Variants in FAF1 observed in about 807,000 individuals in gnomAD.
FAF1 encodes the protein Fas associated factor 1.
FAF1 carries 25 observed loss-of-function variants against 92.5 expected under a neutral mutation model. The ratio of observed to expected loss-of-function variants is 0.27; its 90% CI spans 0.20 to 0.38. The LOEUF is 0.38. Ranked by LOEUF, FAF1 falls within the 10% of genes least tolerant of loss-of-function variation. FAF1 has a pLI of 1.00. For synonymous variants in FAF1, 234 were observed against 273.2 expected, an observed-to-expected ratio of 0.86 and a Z score of 1.42; for missense variants, 636 against 793.3, an observed-to-expected ratio of 0.80 and a Z score of 2.38.
intron 1 of FAF1, among the ~76,000 whole-genome samples, chr1:50,919,489 ATTT>A (rs753127066): frequency 1.4e-5 from 2 of 143,664 alleles, no homozygotes; most frequent in African/African-American, 2.5e-5. Context: ...AAATAGAAGA[ATTT>A]TTTTTTTTTT....
At chr1:50,647,759 C>T (rs1304982638) in intron 8 of FAF1, among the ~76,000 whole-genome samples, 2 of 152,010 alleles carry the variant, frequency 1.3e-5, no homozygotes, top group Admixed American at 6.5e-5. Context: ...TCGACAGTTA[C>T]GGAGACTGAG....
chr1:50,751,514 T>C (rs889999124), intron 4 of FAF1, among the ~76,000 whole-genome samples: 2 of 152,056 alleles, frequency 1.3e-5, no homozygotes, highest in African/African-American at 4.8e-5. Context: ...TGACAAATTT[T>C]TGTATTTTTA....
intron 4 of FAF1, among the ~76,000 whole-genome samples, chr1:50,765,984 C>T (rs897653604): frequency 6.6e-6 from 1 of 151,888 alleles, no homozygotes; most frequent in Admixed American, 6.6e-5. Flanking sequence ...CCCAGCTAGT[C>T]GGGAGGCTGA....
intron 2 of FAF1, among the ~76,000 whole-genome samples, chr1:50,846,189 T>C (rs1644297221): frequency 6.6e-6 from 1 of 152,020 alleles, no homozygotes; most frequent in African/African-American, 2.4e-5. Flanking sequence ...CTATTTGCCT[T>C]TGTCTATACT....
At chr1:50,843,739 TTG>T (rs921691220) in intron 2 of FAF1, among the ~76,000 whole-genome samples, 3 of 151,346 alleles carry the variant, frequency 2.0e-5, no homozygotes, top group Non-Finnish European at 1.5e-5. Flanking sequence ...TGATATTCCA[TTG>T]TGTGTGTGTG....
chr1:50,759,740 A>C (rs1346264878), intron 4 of FAF1, among the ~76,000 whole-genome samples: 7 of 152,196 alleles, frequency 4.6e-5, no homozygotes, highest in Non-Finnish European at 8.8e-5. Context: ...GACTTCCACA[A>C]TGGTTGAACT....
In FAF1 at chr1:50,596,181, G is replaced by T; in HGVS notation, c.780C>A (p.Cys260Ter). The T allele has an allele frequency of 6.2e-7, 1 of 1,613,872 alleles. No homozygotes were observed. The highest frequency in any genetic ancestry group is 8.5e-7 in the Non-Finnish European group (1 of 1,179,848). ...CLAESGLSYPCHRLTVGRRSS... is the reference protein window; with the variant it reads ...CLAESGLSYP Reference sequence around the variant, plus strand: ...ATCTTCTTCCCACTGTAAGTCGATGGCAGGGATAAGAGAGCCCTGATTCAG... The same window carrying T: ...ATCTTCTTCCCACTGTAAGTCGATGTCAGGGATAAGAGAGCCCTGATTCAG... The change falls in exon 9 of 19, where the codon TGC becomes TGA. Residue 260 changes from cysteine to a stop codon, truncating the protein, a stop_gained. Coordinates refer to ENST00000396153, the MANE Select transcript of FAF1 (RefSeq NM_007051.3). LOFTEE classifies it high-confidence loss of function.
chr1:50,738,821 G>T (rs753980435), intron 6 of FAF1, 42 bp downstream of exon 6: 4 of 1,305,308 alleles, frequency 3.1e-6, no homozygotes, highest in South Asian at 2.5e-5. Flanking sequence ...TTTAACAACT[G>T]AGTTTTTCAT....
intron 6 of FAF1, among the ~76,000 whole-genome samples, chr1:50,707,657 G>A (rs968330230): frequency 7.9e-5 from 12 of 151,696 alleles, no homozygotes; most frequent in African/African-American, 2.7e-4. Context: ...TGGCACCACT[G>A]CACTCCAGCC....
At chr1:50,901,331 T>C (rs1432563104) in intron 1 of FAF1, among the ~76,000 whole-genome samples, 1 of 152,134 alleles carries the variant, frequency 6.6e-6, no homozygotes, top group Non-Finnish European at 1.5e-5. Context: ...GATCAATTAT[T>C]TTAATTCCAA....
intron 7 of FAF1, among the ~76,000 whole-genome samples, chr1:50,656,059 C>T (rs1435473500): frequency 3.9e-5 from 6 of 152,164 alleles, no homozygotes; most frequent in Admixed American, 1.3e-4. Context: ...GGGCCGGGGA[C>T]GGTGGCTCAC....
At chr1:50,627,363 G>A (rs1223013502) in intron 8 of FAF1, among the ~76,000 whole-genome samples, 1 of 152,088 alleles carries the variant, frequency 6.6e-6, no homozygotes. Flanking sequence ...TCTCAGGAAG[G>A]AGTTTTCAAC....
intron 1 of FAF1, among the ~76,000 whole-genome samples, chr1:50,940,095 AGAGATGGAGTTTT>A (rs1418948451): frequency 6.6e-6 from 1 of 151,932 alleles, no homozygotes; most frequent in African/African-American, 2.4e-5. Context: ...ATTTTTTTGT[AGAGATGGAGTTTT>A]ACCATGTTGC....
chr1:50,646,536 T>C (rs1407514327), intron 8 of FAF1, among the ~76,000 whole-genome samples: 1 of 152,210 alleles, frequency 6.6e-6, no homozygotes, highest in Non-Finnish European at 1.5e-5. Context: ...TGTGAAGACA[T>C]TTCTTACTTC....
At chr1:50,853,142 C>T (rs1400611300) in intron 2 of FAF1, among the ~76,000 whole-genome samples, 1 of 152,134 alleles carries the variant, frequency 6.6e-6, no homozygotes, top group African/African-American at 2.4e-5. Flanking sequence ...GTGTTCATAA[C>T]ACTGTATAAA....
intron 4 of FAF1, among the ~76,000 whole-genome samples, chr1:50,752,836 C>T (rs1401761659): frequency 6.6e-6 from 1 of 152,072 alleles, no homozygotes; most frequent in Non-Finnish European, 1.5e-5. Flanking sequence ...GTACACACCG[C>T]CACACCTGGC....
intron 13 of FAF1, among the ~76,000 whole-genome samples, chr1:50,548,237 G>A (rs1369674761): frequency 2.0e-5 from 3 of 152,050 alleles, no homozygotes; most frequent in South Asian, 2.1e-4. Flanking sequence ...GATAAATCAA[G>A]GCCCCCAAAC....
intron 4 of FAF1, among the ~76,000 whole-genome samples, chr1:50,745,812 G>A (rs1014307777): frequency 2.0e-5 from 3 of 152,154 alleles, no homozygotes; most frequent in African/African-American, 7.2e-5. Flanking sequence ...ACTGAAAAGT[G>A]GGGCATTGCT....
At chr1:50,672,294 G>T (rs779281172) in intron 7 of FAF1, among the ~76,000 whole-genome samples, 41 of 152,180 alleles carry the variant, frequency 2.7e-4, no homozygotes, top group Non-Finnish European at 5.3e-4. Flanking sequence ...ACCCGCCTCA[G>T]CTTCCCAAAG....
Sources: gnomAD v4.1 joint callset for allele counts (sites outside exome capture counted in the v4.1 genomes callset) on GRCh38, gnomAD v4.1.1 for gene constraint, MANE v1.5 for transcripts, NCBI Gene and HGNC (gene_info 2026-07-23, HGNC 2026-07-21) for gene names.